Variants in LRRC47 observed in about 807,000 individuals in gnomAD.
LRRC47 encodes the protein leucine-rich repeat-containing protein 47.
In LRRC47, 31 loss-of-function variants were observed where a neutral mutation model predicts 40.9. The ratio of observed to expected loss-of-function variants is 0.76; its 90% CI spans 0.57 to 1.02. The LOEUF (loss-of-function observed/expected upper bound fraction) is 1.02. Ranked by LOEUF, LRRC47 falls within the 50% of genes least tolerant of loss-of-function variation. The probability of loss-of-function intolerance (pLI) is 0.00; values close to 1 mark genes in which losing one functional copy is unlikely to be tolerated. For missense variants in LRRC47, 726 were observed against 796.1 expected (o/e 0.91, Z 1.06); for synonymous variants, 427 against 371.9 (o/e 1.15, Z -1.70).
chr1:3,784,717 C>T (rs1019786307), intron 3 of LRRC47, among the ~76,000 whole-genome samples: 15 of 152,222 alleles, frequency 9.9e-5, no homozygotes, highest in Admixed American at 3.3e-4. Flanking sequence ...ATGTTCAGGC[C>T]GGGTGCGGTG....
intron 1 of LRRC47, among the ~76,000 whole-genome samples, chr1:3,792,236 C>A (rs931623494): frequency 1.3e-5 from 2 of 152,198 alleles, no homozygotes; most frequent in Non-Finnish European, 1.5e-5. Context: ...CTGAGTGCAA[C>A]AAGGGATTCC....
Position 3,781,068 on chromosome 1 carries a change from G to A in LRRC47, c.*20C>T, listed in dbSNP as rs370396004. On this transcript the variant is annotated 3_prime_UTR_variant, in exon 7 of 7. Coordinates refer to ENST00000378251, the MANE Select transcript of LRRC47 (RefSeq NM_020710.3). ...CCTCCGCAAAACCGGCCAAACAAAC[G>A]CGGACAGGCGGCCCTGGCGTCAGCG... 44 of 1,603,272 alleles carry A rather than the reference G, an allele frequency of 2.7e-5. No homozygotes were observed. Among genetic ancestry groups the A allele is most frequent in the East Asian group, 1.1e-4 (5 of 44,586 alleles).
At chr1:3,788,665 G>A (rs1436363642) in intron 1 of LRRC47, among the ~76,000 whole-genome samples, 1 of 152,148 alleles carries the variant, frequency 6.6e-6, no homozygotes, top group Admixed American at 6.5e-5. Flanking sequence ...GCTCAGACAC[G>A]GGTAAGGGCA....
Position 3,796,164 on chromosome 1 carries a change from C to T in LRRC47, c.313G>A (p.Asp105Asn). 6.9e-7 allele frequency: 1 copy of T among 1,442,172 alleles called. No individual in the cohort carries two copies. Among genetic ancestry groups the T allele is most frequent in the Non-Finnish European group, 9.1e-7 (1 of 1,104,638 alleles). The allele number at this position is 1,442,172 out of a possible 1,614,324, so 89.3% of individuals were successfully genotyped here. Reference protein sequence around the residue: ...LGPLPALRVLDLSGNALEALP... With the variant: ...LGPLPALRVLNLSGNALEALP... ...GCCTCCAGCGCGTTGCCCGACAGGT[C>T]GAGCACCCGAAGGGCAGGCAGCGGC... is the stretch of plus-strand genomic sequence containing the variant. The change falls in exon 1 of 7, where the codon GAC becomes AAC. Residue 105 changes from aspartate to asparagine, a missense_variant. Asp to Asn is a conservative substitution (Grantham distance 23). Transcript: ENST00000378251.
In LRRC47 at chr1:3,782,674, C is replaced by G; in HGVS notation, c.1400G>C (p.Ser467Thr). The change falls in exon 5 of 7, where the codon AGT becomes ACT. Residue 467 changes from serine (S) to threonine (T), a missense_variant. Ser to Thr is a moderately conservative substitution (Grantham distance 58). Coordinates refer to ENST00000378251, the MANE Select transcript of LRRC47 (RefSeq NM_020710.3). ...DVISFPPITN[S>T]EKTKVKKTTS... Reference sequence around the variant, plus strand: ...ATGCCACCCTACCTTTGTCTTCTCACTGTTGGTTATTGGTGGGAAGGAAAT... The same window carrying G: ...ATGCCACCCTACCTTTGTCTTCTCAGTGTTGGTTATTGGTGGGAAGGAAAT... The G allele has an allele frequency of 6.3e-7, 1 of 1,598,802 alleles. No individual in the cohort carries two copies.
intron 1 of LRRC47, among the ~76,000 whole-genome samples, chr1:3,789,215 C>CA (rs1643604884): frequency 6.6e-6 from 1 of 152,270 alleles, no homozygotes; most frequent in Non-Finnish European, 1.5e-5. Context: ...ACCTCCCTGT[C>CA]AGAGCCCTGG....
chr1:3,793,370 G>C (rs968947171), intron 1 of LRRC47, among the ~76,000 whole-genome samples: 2 of 152,206 alleles, frequency 1.3e-5, no homozygotes, highest in African/African-American at 2.4e-5. Flanking sequence ...TGGGATTACA[G>C]GCAGGAGCCA....
intron 1 of LRRC47, among the ~76,000 whole-genome samples, chr1:3,795,053 CAAAAAAAAAA>C (rs35186516): frequency 9.7e-5 from 6 of 61,642 alleles, no homozygotes; most frequent in African/African-American, 3.4e-4. Flanking sequence ...GACTACATCT[CAAAAAAAAAA>C]AAAAAAAAAA....
intron 1 of LRRC47, among the ~76,000 whole-genome samples, chr1:3,794,771 T>A (rs1040067160): frequency 6.6e-6 from 1 of 151,152 alleles, no homozygotes; most frequent in Non-Finnish European, 1.5e-5. Flanking sequence ...AATGTCCACA[T>A]AGGCCAGGCG....
In LRRC47 at chr1:3,778,923, C is replaced by T. The variant is rs1643492935; in HGVS notation, c.*2165G>A. ...CCCCAGAACTCCAGCAGAGTCCTGG[C>T]CTGGGGAAGCCCCCGTGCCGCCTCA... On this transcript the variant is annotated 3_prime_UTR_variant, in exon 7 of 7. Coordinates refer to ENST00000378251, the MANE Select transcript of LRRC47 (RefSeq NM_020710.3). The T allele has an allele frequency of 6.6e-6, 1 of 152,336 alleles. No homozygotes were observed. The highest frequency in any genetic ancestry group is 6.5e-5 in the Admixed American group (1 of 15,286). The allele number at this position is 152,336 out of a possible 1,614,324, so 9.4% of individuals were successfully genotyped here.
At chr1:3,791,919 A>G (rs1371945277) in intron 1 of LRRC47, among the ~76,000 whole-genome samples, 3 of 147,502 alleles carry the variant, frequency 2.0e-5, no homozygotes, top group Admixed American at 6.8e-5. Flanking sequence ...ACACCCAGCT[A>G]ATTTTTGTAT....
At chr1:3,795,194 A>C (rs1197972566) in intron 1 of LRRC47, among the ~76,000 whole-genome samples, 9 of 152,172 alleles carry the variant, frequency 5.9e-5, no homozygotes, top group Admixed American at 4.6e-4. Flanking sequence ...TGGTTCTGCC[A>C]TGTGGCTTCC....
intron 1 of LRRC47, among the ~76,000 whole-genome samples, chr1:3,787,783 C>G (rs957093078): frequency 2.0e-5 from 3 of 152,086 alleles, no homozygotes; most frequent in Non-Finnish European, 4.4e-5. Flanking sequence ...AAAAATACAG[C>G]AAAATCTCTA....
chr1:3,796,180 A>G lies in LRRC47; in HGVS notation c.297T>C (p.Pro99=). The G allele has an allele frequency of 6.9e-7, 1 of 1,439,978 alleles. No individual in the cohort carries two copies. The highest frequency in any genetic ancestry group is 9.1e-7 in the Non-Finnish European group (1 of 1,102,950). 89.2% of individuals were successfully genotyped at this position (1,439,978 alleles called of 1,614,324 possible). The part of the protein sequence containing the change: ...PGLSPELGPL[P]ALRVLDLSGN... ...CCGACAGGTCGAGCACCCGAAGGGC[A>G]GGCAGCGGCCCGAGCTCGGGGCTCA... Residue 99 remains proline, a synonymous_variant, in exon 1 of 7, where the codon CCT becomes CCC. Coordinates refer to ENST00000378251, the MANE Select transcript of LRRC47 (RefSeq NM_020710.3).
chr1:3,787,739 T>C (rs139013201), intron 1 of LRRC47, among the ~76,000 whole-genome samples: 54 of 151,980 alleles, frequency 3.6e-4, no homozygotes, highest in Middle Eastern at 3.4e-3. Context: ...TTCCCCAAAG[T>C]GGTGTTATTT....
In LRRC47 at chr1:3,781,342, A is replaced by C. The variant is rs1277298714; in HGVS notation, c.1504-6T>G. On this transcript the variant is annotated splice_region_variant and splice_polypyrimidine_tract_variant and intron_variant, in intron 6 of 6. Transcript: ENST00000378251. ...TTTTTCATTTCTGCCATTTTCTGCA[A>C]ATAAAAAATACCTTTTTAACCTGGA... 6.2e-7 allele frequency: 1 copy of C among 1,611,062 alleles called. No homozygotes were observed. Among genetic ancestry groups the C allele is most frequent in the East Asian group, 2.2e-5 (1 of 44,808 alleles).
chr1:3,784,252 G>A (rs1424437028), intron 3 of LRRC47, 141 bp from the exon 4 acceptor site: 10 of 690,634 alleles, frequency 1.4e-5, no homozygotes, highest in Non-Finnish European at 1.7e-5. Context: ...AGCATCCCAC[G>A]GGACCACGCA....
At position 3,781,418 on chromosome 1, in the gene LRRC47, CAA is replaced by C. The variant is rs374267294; in HGVS notation, c.1504-84_1504-83del. The C allele has an allele frequency of 3.6e-5, 57 of 1,572,816 alleles. 1 individual carries two copies. In the African/African-American group the frequency reaches 5.3e-4, roughly 15 times the overall value. On this transcript the variant is annotated intron_variant, in intron 6 of 6. Transcript: ENST00000378251. The stretch of plus-strand genomic sequence containing the variant: ...TGCTGCTGTCTGCCAACACAGTAAG[CAA>C]AAAAGAGGCAAGCAGGACGGGTGGG...
chr1:3,795,198 G>A (rs1460242855), intron 1 of LRRC47, among the ~76,000 whole-genome samples: 1 of 152,148 alleles, frequency 6.6e-6, no homozygotes, highest in African/African-American at 2.4e-5. Context: ...TCTGCCATGT[G>A]GCTTCCCTAC....
Sources: gnomAD v4.1 joint callset for allele counts (sites outside exome capture counted in the v4.1 genomes callset) on GRCh38, gnomAD v4.1.1 for gene constraint, MANE v1.5 for transcripts, NCBI Gene and HGNC (gene_info 2026-07-23, HGNC 2026-07-21) for gene names.